Variants in ATOX1 observed in about 807,000 individuals in gnomAD.
The protein encoded by ATOX1 is copper transport protein ATOX1.
A neutral mutation model predicts 7.3 loss-of-function variants in ATOX1; 4 were observed. That is an observed-to-expected ratio of 0.55 (90% CI 0.27 to 1.25). The LOEUF is 1.25. ATOX1 is among the 50% of genes most tolerant of loss of function. The pLI is 0.12. For synonymous variants in ATOX1, 25 were observed against 28.7 expected, an observed-to-expected ratio of 0.87 and a Z score of 0.41; for missense variants, 68 against 81.6, an observed-to-expected ratio of 0.83 and a Z score of 0.64.
intron 2 of ATOX1, among the ~76,000 whole-genome samples, chr5:151,749,395 G>A (rs1347067206): frequency 6.6e-6 from 1 of 152,030 alleles, no homozygotes; most frequent in African/African-American, 2.4e-5. Flanking sequence ...TGAGGCAGGA[G>A]AATCGCTTGA....
intron 1 of ATOX1, among the ~76,000 whole-genome samples, chr5:151,756,067 G>A (rs1000792448): frequency 1.3e-5 from 2 of 149,990 alleles, no homozygotes; most frequent in African/African-American, 2.5e-5. Flanking sequence ...TCAGACTCCC[G>A]AGTAGCTGGG....
intron 3 of ATOX1, 109 bp downstream of exon 3, chr5:151,746,170 A>T: frequency 1.0e-6 from 1 of 991,138 alleles, no homozygotes. Flanking sequence ...GATTGAAAAG[A>T]ACCCAGAGGG....
chr5:151,753,183 C>A (rs984342784), intron 1 of ATOX1, among the ~76,000 whole-genome samples: 7 of 152,212 alleles, frequency 4.6e-5, no homozygotes, highest in African/African-American at 1.7e-4. Context: ...GAAGTGGATT[C>A]TCCAGCTCCA....
intron 2 of ATOX1, among the ~76,000 whole-genome samples, chr5:151,750,644 C>CTTTTTTTTTTTTT (rs34586233): frequency 1.9e-3 from 192 of 100,276 alleles, no homozygotes; most frequent in Middle Eastern, 5.4e-3. Context: ...TTTTTTCTTT[C>CTTTTTTTTTTTTT]TTTTTTTTTT....
chr5:151,744,154 G>C (rs1206561958), intron 3 of ATOX1: 1 of 152,170 alleles, frequency 6.6e-6, no homozygotes, highest in East Asian at 1.9e-4. Context: ...ATGGAGAGAT[G>C]GGTAGTGGGG....
intron 2 of ATOX1, 148 bp from the exon 3 acceptor site, chr5:151,746,597 C>A: frequency 9.9e-7 from 1 of 1,013,018 alleles, no homozygotes; most frequent in Non-Finnish European, 1.4e-6. Flanking sequence ...CTGTAACAGG[C>A]CAGAAAGCAA....
chr5:151,751,339 T>C (rs1561522125), intron 2 of ATOX1, among the ~76,000 whole-genome samples: 2 of 151,738 alleles, frequency 1.3e-5, no homozygotes, highest in Admixed American at 1.3e-4. Flanking sequence ...GACCAACATA[T>C]GAACTAGTAC....
chr5:151,748,429 A>G (rs934365246), intron 2 of ATOX1, among the ~76,000 whole-genome samples: 13 of 151,932 alleles, frequency 8.6e-5, no homozygotes, highest in African/African-American at 2.9e-4. Context: ...CAGCCCTACC[A>G]CTGTTCTTTT....
intron 3 of ATOX1, chr5:151,745,145 C>G (rs1358011409): frequency 1.8e-4 from 27 of 152,290 alleles, no homozygotes; most frequent in South Asian, 2.1e-4. Flanking sequence ...CAGAACACTG[C>G]TATGACTCAG....
chr5:151,749,155 C>G (rs958881466), intron 2 of ATOX1, among the ~76,000 whole-genome samples: 22 of 152,104 alleles, frequency 1.4e-4, no homozygotes, highest in African/African-American at 5.3e-4. Flanking sequence ...GAGCCTGCTG[C>G]TTTGTATTTG....
chr5:151,755,553 C>G (rs1561523215), intron 1 of ATOX1, among the ~76,000 whole-genome samples: 1 of 152,140 alleles, frequency 6.6e-6, no homozygotes, highest in African/African-American at 2.4e-5. Context: ...TTAGGGAGCA[C>G]AGTTTTTTGC....
At position 151,750,718 on chromosome 5, in the gene ATOX1, C is replaced by T. The variant is rs1309032908; in HGVS notation, c.82+986G>A. On this transcript the variant is annotated intron_variant, in intron 2 of 3. Coordinates refer to ENST00000313115, the MANE Select transcript of ATOX1 (RefSeq NM_004045.4). ...CTGCAGTGCAGTGGCACGATCTAGGCTCACTGTGGCCTTAACCTCCCAGGC... is the reference window on the plus strand; with the variant it reads ...CTGCAGTGCAGTGGCACGATCTAGGTTCACTGTGGCCTTAACCTCCCAGGC... Among the ~76,000 whole-genome samples, 3 of 142,016 alleles carry T rather than the reference C, an allele frequency of 2.1e-5. No individual in the cohort carries two copies. In the Admixed American group the frequency reaches 2.3e-4, roughly 11 times the overall value. 93.2% of individuals were successfully genotyped at this position (142,016 alleles called of 152,430 possible). A position where few individuals can be genotyped will look rare whatever the true frequency, so the allele number is the denominator to read the frequency against.
intron 1 of ATOX1, chr5:151,752,237 A>T (rs916714325): frequency 1.0e-5 from 7 of 702,516 alleles, no homozygotes; most frequent in Non-Finnish European, 1.6e-5. Context: ...CAGCTTGCAA[A>T]AACTACAGGT....
At chr5:151,753,172 G>A (rs1761972007) in intron 1 of ATOX1, among the ~76,000 whole-genome samples, 1 of 152,214 alleles carries the variant, frequency 6.6e-6, no homozygotes, top group African/African-American at 2.4e-5. Flanking sequence ...GAGACATGTT[G>A]GAAGTGGATT....
chr5:151,748,932 AAAAAAC>A lies in ATOX1; in HGVS notation c.83-2489_83-2484del, dbSNP rs550769024. The stretch of plus-strand genomic sequence containing the variant: ...TAACAAAGCAAGACCCTGTCTCTAC[AAAAAAC>A]AAAAACAAAAACAAAAAAATAGCCG... On this transcript the variant is annotated intron_variant, in intron 2 of 3. Coordinates refer to ENST00000313115, the MANE Select transcript of ATOX1 (RefSeq NM_004045.4). Among the ~76,000 whole-genome samples, 8 of 152,156 alleles carry A rather than the reference AAAAAAC, an allele frequency of 5.3e-5. No individual in the cohort carries two copies. In the South Asian group the frequency reaches 1.5e-3, roughly 28 times the overall value.
chr5:151,752,181 G>T, intron 1 of ATOX1: 1 of 694,480 alleles, frequency 1.4e-6, no homozygotes, highest in Non-Finnish European at 2.6e-6. Flanking sequence ...GATCTGGTGG[G>T]CCCACTTATG....
chr5:151,743,680 G>A (rs1051157924), intron 3 of ATOX1: 2 of 152,222 alleles, frequency 1.3e-5, no homozygotes, highest in Admixed American at 1.3e-4. Flanking sequence ...TCATCACCCA[G>A]ATGAAACAAT....
At position 151,749,693 on chromosome 5, in the gene ATOX1, A is replaced by G. The variant is rs75898530; in HGVS notation, c.82+2011T>C. On this transcript the variant is annotated intron_variant, in intron 2 of 3. Coordinates refer to ENST00000313115, the MANE Select transcript of ATOX1 (RefSeq NM_004045.4). ...AAAAAAAAAGAAAAAGAAAAAAAAA[A>G]GCATCAACAGCAAAAGCTGATACAG... Among the ~76,000 whole-genome samples the G allele has an allele frequency of 8.6e-5, 13 of 151,958 alleles. No individual in the cohort carries two copies. In the East Asian group the frequency reaches 2.5e-3, roughly 29 times the overall value.
chr5:151,752,534 A>G, intron 1 of ATOX1: 1 of 599,790 alleles, frequency 1.7e-6, no homozygotes, highest in Non-Finnish European at 3.0e-6. Flanking sequence ...CTGGATTCCT[A>G]ATACTTGGAA....
Sources: allele counts gnomAD v4.1 joint callset (sites outside exome capture counted in the v4.1 genomes callset), GRCh38; gene constraint gnomAD v4.1.1; transcripts MANE v1.5; gene names NCBI Gene and HGNC (gene_info 2026-07-23, HGNC 2026-07-21).